ADGRV1: variants seen among roughly 807,000 people sequenced by gnomAD.
The protein encoded by ADGRV1 is adhesion G protein-coupled receptor V1.
Under a neutral mutation model 596.2 loss-of-function variants are expected in ADGRV1, and 359 were observed. That is an observed-to-expected ratio of 0.60 (90% CI 0.55 to 0.66). The LOEUF is 0.66. Among genes scored for constraint, ADGRV1 ranks in the 30% least tolerant of loss-of-function variants. The pLI, the probability that ADGRV1 is intolerant of heterozygous loss-of-function variation, is 0.00. For synonymous variants in ADGRV1, 2,681 were observed against 2,679.2 expected (o/e 1.00, Z -0.02); for missense variants, 7,274 against 7,575.6 (o/e 0.96, Z 1.48).
At chr5:91,119,511 C>T (rs1793128103) in intron 87 of ADGRV1, among the ~76,000 whole-genome samples, 1 of 152,226 alleles carries the variant, frequency 6.6e-6, no homozygotes, top group Non-Finnish European at 1.5e-5. Context: ...GGCTTTCATG[C>T]TGTGTGTCAC....
intron 83 of ADGRV1, among the ~76,000 whole-genome samples, chr5:90,946,853 C>A (rs1776620651): frequency 6.6e-6 from 1 of 152,120 alleles, no homozygotes. Flanking sequence ...TTTTCTTTAT[C>A]CAGTCTATCA....
chr5:90,748,630 A>G (rs2149933888), intron 52 of ADGRV1, among the ~76,000 whole-genome samples: 1 of 152,270 alleles, frequency 6.6e-6, no homozygotes, highest in Admixed American at 6.5e-5. Flanking sequence ...AAGAAACAAG[A>G]GGACCCTATT....
intron 85 of ADGRV1, chr5:91,031,324 TAACA>T: frequency 7.4e-7 from 1 of 1,347,658 alleles, no homozygotes; most frequent in South Asian, 1.2e-5. Flanking sequence ...CTGCACTTGC[TAACA>T]GATACAATCC....
intron 85 of ADGRV1, among the ~76,000 whole-genome samples, chr5:91,035,889 A>T (rs1278274699): frequency 1.3e-5 from 1 of 76,078 alleles, no homozygotes; most frequent in African/African-American, 4.1e-5. Context: ...ATATCTTACA[A>T]CAATGCCTAG....
intron 83 of ADGRV1, among the ~76,000 whole-genome samples, chr5:90,931,487 G>A (rs944358661): frequency 2.6e-5 from 4 of 152,104 alleles, no homozygotes; most frequent in African/African-American, 9.7e-5. Context: ...TTCTCCTAGT[G>A]ATGCCCAAAT....
chr5:91,151,289 T>C (rs1432309854), intron 88 of ADGRV1, among the ~76,000 whole-genome samples: 1 of 152,172 alleles, frequency 6.6e-6, no homozygotes, highest in Admixed American at 6.5e-5. Flanking sequence ...GTACTATATA[T>C]ATTTTTAGTT....
chr5:90,725,824 A>T (rs1751697298), intron 48 of ADGRV1, among the ~76,000 whole-genome samples, 168 bp downstream of exon 48: 1 of 152,218 alleles, frequency 6.6e-6, no homozygotes, highest in Non-Finnish European at 1.5e-5. Context: ...ATTTTTAAAT[A>T]CCAGAGTCAT....
chr5:90,625,264 C>T, intron 6 of ADGRV1, 21 bp downstream of exon 6: 1 of 1,426,050 alleles, frequency 7.0e-7, no homozygotes, highest in East Asian at 2.3e-5. Context: ...GTTACATACC[C>T]AAATGGGACA....
At chr5:90,938,278 C>G (rs552034676) in intron 83 of ADGRV1, among the ~76,000 whole-genome samples, 6 of 152,230 alleles carry the variant, frequency 3.9e-5, no homozygotes, top group African/African-American at 1.4e-4. Context: ...CCTTTTCTTT[C>G]CTTACATCCA....
intron 79 of ADGRV1, among the ~76,000 whole-genome samples, chr5:90,852,043 G>A (rs1766581041): frequency 6.6e-6 from 1 of 152,178 alleles, no homozygotes; most frequent in African/African-American, 2.4e-5. Flanking sequence ...CAGATTAAAA[G>A]ATGAGATTTT....
chr5:91,127,235 A>G (rs1238264879), intron 87 of ADGRV1, among the ~76,000 whole-genome samples: 1 of 152,160 alleles, frequency 6.6e-6, no homozygotes, highest in East Asian at 1.9e-4. Context: ...TTGAGACTTC[A>G]TATTTGTCAA....
chr5:90,874,934 T>A (rs1365190053), intron 83 of ADGRV1, among the ~76,000 whole-genome samples: 2 of 152,208 alleles, frequency 1.3e-5, no homozygotes, highest in African/African-American at 4.8e-5. Flanking sequence ...GGCTTTCTTA[T>A]AAAGAGCATT....
intron 21 of ADGRV1, among the ~76,000 whole-genome samples, chr5:90,666,823 C>G (rs1404231568): frequency 6.6e-6 from 1 of 151,732 alleles, no homozygotes; most frequent in Admixed American, 6.6e-5. Context: ...CAAAATCTCT[C>G]AGCATTTGCT....
At chr5:90,701,409 C>T (rs1001302074) in intron 34 of ADGRV1, among the ~76,000 whole-genome samples, 1 of 152,004 alleles carries the variant, frequency 6.6e-6, no homozygotes, top group Non-Finnish European at 1.5e-5. Flanking sequence ...GACCTGGCTC[C>T]TGGGAGTCTG....
chr5:90,999,381 T>C (rs1389925453), intron 85 of ADGRV1, among the ~76,000 whole-genome samples: 1 of 151,982 alleles, frequency 6.6e-6, no homozygotes, highest in Non-Finnish European at 1.5e-5. Flanking sequence ...TAACTCAGGG[T>C]TAAAACGGTG....
intron 71 of ADGRV1, among the ~76,000 whole-genome samples, chr5:90,804,414 A>AT (rs1491406960): frequency 1.3e-5 from 2 of 151,190 alleles, no homozygotes; most frequent in Non-Finnish European, 2.9e-5. Flanking sequence ...GAAAAAAAAA[A>AT]GAAGAAAAAG....
intron 50 of ADGRV1, 103 bp from the exon 51 acceptor site, chr5:90,744,943 G>A: frequency 1.3e-6 from 1 of 747,438 alleles, no homozygotes; most frequent in South Asian, 1.8e-5. Flanking sequence ...AATCACAATG[G>A]AACTTTGAGA....
rs186511631 is a variant in ADGRV1, at chr5:90,744,979, G to T, written c.10550-67G>T. ...TTTTGGAAGATTTTGCTTTGGAACC[G>T]ATGCAGGGAGTGTGGGAGGTGACAG... is the stretch of plus-strand genomic sequence containing the variant. On this transcript the variant is annotated intron_variant, in intron 50 of 89. Transcript: ENST00000405460. 28 of 1,115,428 alleles carry T rather than the reference G, an allele frequency of 2.5e-5. No homozygotes were observed. The East Asian group carries it at 5.9e-4, about 24-fold the overall frequency. The allele number at this position is 1,115,428 out of a possible 1,614,324, so 69.1% of individuals were successfully genotyped here.
intron 1 of ADGRV1, among the ~76,000 whole-genome samples, chr5:90,604,733 T>C (rs2152030428): frequency 6.6e-6 from 1 of 152,296 alleles, no homozygotes; most frequent in Middle Eastern, 3.4e-3. Context: ...TCCTTATTTT[T>C]TAAAGGACCT....
Sources: gnomAD v4.1 joint callset for allele counts (sites outside exome capture counted in the v4.1 genomes callset) on GRCh38, gnomAD v4.1.1 for gene constraint, MANE v1.5 for transcripts, NCBI Gene and HGNC (gene_info 2026-07-23, HGNC 2026-07-21) for gene names.